The following GCNT2 variants were observed in gnomAD, a reference collection of about 807,000 sequenced individuals.
GCNT2 encodes the protein N-acetyllactosaminide beta-1,6-N-acetylglucosaminyl-transferase.
GCNT2 carries 34 observed loss-of-function variants against 34.2 expected under a neutral mutation model. The ratio of observed to expected loss-of-function variants is 1.00; its 90% confidence interval spans 0.76 to 1.32. The LOEUF (loss-of-function observed/expected upper bound fraction) is 1.32, where lower values mean the gene tolerates loss of function less well. GCNT2 is among the 40% of genes most tolerant of loss of function. The pLI, the probability that GCNT2 is intolerant of heterozygous loss-of-function variation, is 0.00. For synonymous variants in GCNT2, 212 were observed against 188.0 expected, an observed-to-expected ratio of 1.13 and a Z score of -1.04; for missense variants, 584 against 489.4, an observed-to-expected ratio of 1.19 and a Z score of -1.82.
rs1764074153 is a variant in GCNT2 at position 10,581,692 on chromosome 6, A to T, written c.926-39659A>T. 4 of 948,698 alleles carry T rather than the reference A, an allele frequency of 4.2e-6. No individual in the cohort carries two copies. In the Admixed American group the frequency reaches 1.8e-4, roughly 44 times the overall value. 58.8% of individuals were successfully genotyped at this position (948,698 alleles called of 1,614,324 possible). ...TTGAGTTTGTTTTGCATTGGCACTT[A>T]TCAGAGCTCCTTATTGTAGGATCAA... On this transcript the variant is annotated intron_variant, in intron 3 of 4. Coordinates refer to ENST00000495262, the MANE Select transcript of GCNT2 (RefSeq NM_145649.5).
At chr6:10,551,256 A>C (rs1762465083) in intron 3 of GCNT2, among the ~76,000 whole-genome samples, 1 of 152,086 alleles carries the variant, frequency 6.6e-6, no homozygotes, top group African/African-American at 2.4e-5. Context: ...TTCAGCATCC[A>C]GGAAGTGTTT....
intron 3 of GCNT2, chr6:10,574,728 A>G (rs1763717392): frequency 2.0e-6 from 1 of 501,972 alleles, no homozygotes; most frequent in Admixed American, 2.7e-5. Flanking sequence ...GAGGTCTTTT[A>G]TTTTTTTTTA....
intron 3 of GCNT2, chr6:10,556,076 T>G: frequency 1.7e-6 from 2 of 1,187,260 alleles, no homozygotes; most frequent in South Asian, 1.8e-5. Context: ...GAAAGAGATA[T>G]GGGAAACTAA....
chr6:10,586,338 A>T, intron 3 of GCNT2: 1 of 1,614,056 alleles, frequency 6.2e-7, no homozygotes, highest in East Asian at 2.2e-5. Flanking sequence ...CTTTAGGGCT[A>T]TCTATATGCC....
At chr6:10,557,797 T>C (rs1762791684) in intron 3 of GCNT2, among the ~76,000 whole-genome samples, 1 of 152,224 alleles carries the variant, frequency 6.6e-6, no homozygotes, top group South Asian at 2.1e-4. Context: ...TAGCCCAGAA[T>C]GATGTTCTTT....
intron 3 of GCNT2, among the ~76,000 whole-genome samples, chr6:10,588,233 G>A (rs1764442698): frequency 6.6e-6 from 1 of 152,192 alleles, no homozygotes; most frequent in Non-Finnish European, 1.5e-5. Flanking sequence ...ACTTGTAGGA[G>A]GGGTGGTGAA....
At chr6:10,538,146 G>T (rs574402456) in intron 3 of GCNT2, among the ~76,000 whole-genome samples, 1 of 151,892 alleles carries the variant, frequency 6.6e-6, no homozygotes, top group Non-Finnish European at 1.5e-5. Context: ...AGTGGCTCAC[G>T]CATGTAATCC....
intron 3 of GCNT2, among the ~76,000 whole-genome samples, chr6:10,547,080 T>C (rs1401807488): frequency 6.6e-6 from 1 of 152,226 alleles, no homozygotes; most frequent in Non-Finnish European, 1.5e-5. Context: ...TTAACAAGAA[T>C]AGTATAAAGA....
intron 3 of GCNT2, among the ~76,000 whole-genome samples, chr6:10,592,551 T>C (rs1250817755): frequency 6.6e-6 from 1 of 152,188 alleles, no homozygotes; most frequent in East Asian, 1.9e-4. Flanking sequence ...CAGTAAATTA[T>C]GCTGACGCTA....
chr6:10,525,424 C>A (rs909540372), intron 1 of GCNT2, among the ~76,000 whole-genome samples: 1 of 152,094 alleles, frequency 6.6e-6, no homozygotes, highest in Non-Finnish European at 1.5e-5. Flanking sequence ...AACAATCTCG[C>A]GTCCTTTTGG....
chr6:10,617,574 G>C (rs994880232), intron 3 of GCNT2, among the ~76,000 whole-genome samples: 3 of 152,152 alleles, frequency 2.0e-5, no homozygotes, highest in African/African-American at 4.8e-5. Flanking sequence ...ATCGCTCACC[G>C]TGACTTAGAA....
At chr6:10,559,250 A>T (rs1295760010) in intron 3 of GCNT2, among the ~76,000 whole-genome samples, 2 of 152,224 alleles carry the variant, frequency 1.3e-5, no homozygotes, top group African/African-American at 4.8e-5. Context: ...AGACCAAAAG[A>T]ATGATATCTG....
At chr6:10,580,979 C>G (rs1581439259) in intron 3 of GCNT2, among the ~76,000 whole-genome samples, 1 of 152,158 alleles carries the variant, frequency 6.6e-6, no homozygotes, top group Non-Finnish European at 1.5e-5. Flanking sequence ...AGAATGACCA[C>G]TTAACAATTT....
At chr6:10,564,030 C>T (rs1030365193) in intron 3 of GCNT2, among the ~76,000 whole-genome samples, 5 of 151,938 alleles carry the variant, frequency 3.3e-5, no homozygotes, top group African/African-American at 1.2e-4. Context: ...TAATTAGACC[C>T]ACTCAAAAAC....
chr6:10,603,194 C>T (rs1242340428), intron 3 of GCNT2, among the ~76,000 whole-genome samples: 1 of 152,184 alleles, frequency 6.6e-6, no homozygotes, highest in Admixed American at 6.5e-5. Context: ...GACGCCTCAC[C>T]TCATTTAATG....
At position 10,557,215 on chromosome 6, in the gene GCNT2, T is replaced by C. The variant is rs779154626; in HGVS notation, c.925+27379T>C. On this transcript the variant is annotated intron_variant, in intron 3 of 4. Transcript: ENST00000495262. ...TCACAATTTACTTTGGCTCTGCCTA[T>C]GTGGCTCTATCAAGAGAGTTTGCCA... 8 of 1,585,536 alleles carry C rather than the reference T, an allele frequency of 5.0e-6. No individual in the cohort carries two copies. In the East Asian group the frequency reaches 6.7e-5, roughly 13 times the overall value.
rs779802941 is a variant in GCNT2, at chr6:10,586,340, C to G, written c.926-35011C>G. 32 of 1,614,040 alleles carry G rather than the reference C, an allele frequency of 2.0e-5. No individual in the cohort carries two copies. The Admixed American group carries it at 3.2e-4, about 16-fold the overall frequency. On this transcript the variant is annotated intron_variant, in intron 3 of 4. Coordinates refer to ENST00000495262, the MANE Select transcript of GCNT2 (RefSeq NM_145649.5). Reference sequence around the variant, plus strand: ...CCTTTGAAAGGCTCTTTAGGGCTATCTATATGCCCCAAAATGTCTACTGTG... The same window carrying G: ...CCTTTGAAAGGCTCTTTAGGGCTATGTATATGCCCCAAAATGTCTACTGTG...
chr6:10,624,568 C>T (rs1361158254), intron 4 of GCNT2, among the ~76,000 whole-genome samples: 3 of 152,198 alleles, frequency 2.0e-5, no homozygotes, highest in Non-Finnish European at 4.4e-5. Flanking sequence ...TGGGTGGGGA[C>T]ACAGCCAAAC....
chr6:10,531,638 A>AG (rs1161532293), intron 3 of GCNT2, among the ~76,000 whole-genome samples: 1 of 152,194 alleles, frequency 6.6e-6, no homozygotes, highest in Non-Finnish European at 1.5e-5. Context: ...CAGAGCCAGA[A>AG]GGGGAAGTAT....
Sources: gnomAD v4.1 joint callset for allele counts (sites outside exome capture counted in the v4.1 genomes callset) on GRCh38, gnomAD v4.1.1 for gene constraint, MANE v1.5 for transcripts, NCBI Gene and HGNC (gene_info 2026-07-23, HGNC 2026-07-21) for gene names.